ADCY3: variants seen among roughly 807,000 people sequenced by gnomAD.
The protein encoded by ADCY3 is adenylate cyclase 3.
Under a neutral mutation model 119.4 loss-of-function variants are expected in ADCY3, and 70 were observed. The ratio of observed to expected loss-of-function variants is 0.59; its 90% confidence interval spans 0.48 to 0.72. The LOEUF (loss-of-function observed/expected upper bound fraction) is 0.72, where lower values mean the gene tolerates loss of function less well. ADCY3 is among the 30% of genes least tolerant of loss of function. The pLI, the probability that ADCY3 is intolerant of heterozygous loss-of-function variation, is 0.00. For synonymous variants in ADCY3, 672 were observed against 621.4 expected (o/e 1.08, Z -1.21); for missense variants, 1,238 against 1,541.6 (o/e 0.80, Z 3.30).
chr2:24,903,996 A>G (rs1679191617), intron 2 of ADCY3, among the ~76,000 whole-genome samples: 1 of 152,166 alleles, frequency 6.6e-6, no homozygotes, highest in Admixed American at 6.6e-5. Context: ...CCTCCACTAC[A>G]GCCATGCCAG....
chr2:24,858,654 CACAATTCT>C (rs1673287042), intron 3 of ADCY3, among the ~76,000 whole-genome samples: 2 of 152,256 alleles, frequency 1.3e-5, no homozygotes, highest in South Asian at 2.1e-4. Flanking sequence ...GGCCACAATG[CACAATTCT>C]ACAATTCTAC....
At chr2:24,828,584 TAGTCTC>T (rs1310303155) in intron 13 of ADCY3, among the ~76,000 whole-genome samples, 3 of 152,242 alleles carry the variant, frequency 2.0e-5, no homozygotes, top group African/African-American at 7.2e-5. Flanking sequence ...TGATGACAGC[TAGTCTC>T]TGCCCAAATC....
chr2:24,864,721 A>G (rs2148755513), intron 3 of ADCY3, among the ~76,000 whole-genome samples: 1 of 152,298 alleles, frequency 6.6e-6, no homozygotes, highest in South Asian at 2.1e-4. Flanking sequence ...ATGGGCAGTT[A>G]TTGTTTAATG....
intron 2 of ADCY3, among the ~76,000 whole-genome samples, chr2:24,914,918 C>T (rs879697354): frequency 4.6e-5 from 7 of 152,128 alleles, no homozygotes; most frequent in Non-Finnish European, 1.0e-4. Flanking sequence ...CCCCATCCCA[C>T]ACTCCCTGAT....
At position 24,850,442 on chromosome 2, in the gene ADCY3, G is replaced by A. The variant is rs114517171; in HGVS notation, c.826-8058C>T. On this transcript the variant is annotated intron_variant, in intron 3 of 21. Transcript: ENST00000679454. ...GGGATCCAGGTGAACTGGCAAATGG[G>A]TCCCACAGTGGGGGACAGGAGTGCA... 3.3e-3 allele frequency among the ~76,000 whole-genome samples: 503 copies of A among 152,274 alleles called. 5 individuals carry two copies. Among genetic ancestry groups the A allele is most frequent in the African/African-American group, 0.011 (472 of 41,530 alleles).
At chr2:24,869,917 G>A (rs905180910) in intron 3 of ADCY3, among the ~76,000 whole-genome samples, 1 of 152,118 alleles carries the variant, frequency 6.6e-6, no homozygotes, top group Non-Finnish European at 1.5e-5. Context: ...GGAGAATGTA[G>A]GTAAATGGAA....
chr2:24,820,631 C>G (rs2148329793), intron 21 of ADCY3, 93 bp downstream of exon 21: 2 of 1,569,768 alleles, frequency 1.3e-6, no homozygotes, highest in East Asian at 2.3e-5. Flanking sequence ...TGTTCAGGGC[C>G]AGGGTGGGAG....
intron 11 of ADCY3, among the ~76,000 whole-genome samples, chr2:24,832,389 A>G (rs1669715162): frequency 6.6e-6 from 1 of 151,722 alleles, no homozygotes. Flanking sequence ...GAGCAGCATC[A>G]CTCCCTCGCT....
chr2:24,872,442 C>T lies in ADCY3; in HGVS notation c.825+128G>A, dbSNP rs991875421. On this transcript the variant is annotated intron_variant, in intron 3 of 21. Coordinates refer to ENST00000679454, the MANE Select transcript of ADCY3 (RefSeq NM_004036.5). The surrounding 1 kb of genome is among the most constrained non-coding windows in gnomAD (Gnocchi z 4.4). ...CCAGAAGACAAAGTTCAGAAGCAAACACCTGAACAGGGTGGATGAACGCCA... is the reference window on the plus strand; with the variant it reads ...CCAGAAGACAAAGTTCAGAAGCAAATACCTGAACAGGGTGGATGAACGCCA... The T allele has an allele frequency of 8.4e-7, 1 of 1,187,868 alleles. No homozygotes were observed. Among genetic ancestry groups the T allele is most frequent in the African/African-American group, 1.5e-5 (1 of 65,348 alleles). The allele number at this position is 1,187,868 out of a possible 1,614,324, so 73.6% of individuals were successfully genotyped here.
At chr2:24,888,942 G>C (rs1347440869) in intron 2 of ADCY3, among the ~76,000 whole-genome samples, 1 of 152,256 alleles carries the variant, frequency 6.6e-6, no homozygotes, top group Non-Finnish European at 1.5e-5. Flanking sequence ...CCGGGAGGCA[G>C]AGGTTGCAGT....
chr2:24,830,874 T>C, intron 12 of ADCY3, 49 bp from the exon 13 acceptor site: 1 of 1,443,242 alleles, frequency 6.9e-7, no homozygotes, highest in Non-Finnish European at 9.7e-7. Flanking sequence ...CAGTCCTTTC[T>C]CCTGCGACGT....
intron 2 of ADCY3, among the ~76,000 whole-genome samples, chr2:24,897,157 GC>G (rs1481455462): frequency 6.6e-6 from 1 of 151,922 alleles, no homozygotes; most frequent in Non-Finnish European, 1.5e-5. Flanking sequence ...TATCCCTCTT[GC>G]CTACCATACC....
In ADCY3 at chr2:24,820,815, A is replaced by C. The variant is rs1667526877; in HGVS notation, c.3161T>G (p.Ile1054Ser). Residue 1054 changes from isoleucine to serine, a missense_variant, in exon 21 of 22, where the codon ATC (isoleucine) becomes AGC (serine). This residue lies in a region of ADCY3 where 43 missense variants were observed against 77.0 expected (regional missense o/e 0.56). Transcript: ENST00000679454. Reference protein sequence around the residue: ...MNKGGVLAGVIGARKPHYDIW... With the variant: ...MNKGGVLAGVSGARKPHYDIW... ...GTCGTAGTGTGGTTTCCGGGCTCCG[A>C]TGACCCCAGCCAGAACCCCGCCTTT... The C allele has an allele frequency of 6.2e-7, 1 of 1,613,936 alleles. No individual in the cohort carries two copies. Among genetic ancestry groups the C allele is most frequent in the Admixed American group, 1.7e-5 (1 of 59,992 alleles).
chr2:24,875,498 T>C (rs1675570344), intron 2 of ADCY3, among the ~76,000 whole-genome samples: 1 of 152,248 alleles, frequency 6.6e-6, no homozygotes, highest in Non-Finnish European at 1.5e-5. Context: ...GGAGCCAGCT[T>C]TGAGAGAGAT....
At chr2:24,883,212 G>A (rs918552327) in intron 2 of ADCY3, among the ~76,000 whole-genome samples, 2 of 152,002 alleles carry the variant, frequency 1.3e-5, no homozygotes, top group African/African-American at 4.8e-5. Context: ...GCTGGGCATG[G>A]TGGCGGGCAC....
At position 24,841,422 on chromosome 2, in the gene ADCY3, T is replaced by G; in HGVS notation, c.1069-36A>C. 1 of 1,606,826 alleles carries G rather than the reference T, an allele frequency of 6.2e-7. No individual in the cohort carries two copies. The highest frequency in any genetic ancestry group is 8.5e-7 in the Non-Finnish European group (1 of 1,176,346). Reference sequence around the variant, plus strand: ...AGGGCCTGGCCTGTGCTCCAGCCCCTCCTCAGTGAGGGAGGAGTGGCCAAG... The same window carrying G: ...AGGGCCTGGCCTGTGCTCCAGCCCCGCCTCAGTGAGGGAGGAGTGGCCAAG... On this transcript the variant is annotated intron_variant, in intron 5 of 21. Coordinates refer to ENST00000679454, the MANE Select transcript of ADCY3 (RefSeq NM_004036.5). This position sits in a 1 kb window ranked among gnomAD's most constrained non-coding sequence, Gnocchi z 5.8.
At chr2:24,907,036 C>T (rs1394149234) in intron 2 of ADCY3, among the ~76,000 whole-genome samples, 3 of 152,146 alleles carry the variant, frequency 2.0e-5, no homozygotes, top group African/African-American at 7.2e-5. Context: ...AAGGCTGAGG[C>T]AGGAGAATCA....
chr2:24,909,884 T>C (rs1046811688), intron 2 of ADCY3, among the ~76,000 whole-genome samples: 1 of 152,232 alleles, frequency 6.6e-6, no homozygotes, highest in Non-Finnish European at 1.5e-5. Context: ...GCATCTGAGT[T>C]AGCCTGGACT....
At chr2:24,853,972 G>A (rs1270770265) in intron 3 of ADCY3, among the ~76,000 whole-genome samples, 5 of 152,336 alleles carry the variant, frequency 3.3e-5, no homozygotes, top group African/African-American at 1.2e-4. Flanking sequence ...TCATCATGAT[G>A]TGAATTCTTG....
Sources: allele counts gnomAD v4.1 joint callset (sites outside exome capture counted in the v4.1 genomes callset), GRCh38; gene constraint gnomAD v4.1.1; regional missense constraint gnomAD v4.1.1; non-coding constraint Gnocchi (gnomAD v3.1); transcripts MANE v1.5; gene names NCBI Gene and HGNC (gene_info 2026-07-23, HGNC 2026-07-21).